MAGI2: variants seen among roughly 807,000 people sequenced by gnomAD.
MAGI2 encodes the protein membrane-associated guanylate kinase, WW and PDZ domain-containing protein 2.
A neutral mutation model predicts 133.3 loss-of-function variants in MAGI2; 35 were observed. That is an observed-to-expected ratio of 0.26 (90% CI 0.20 to 0.35). MAGI2 has a LOEUF of 0.35. MAGI2 is among the 10% of genes least tolerant of loss of function. MAGI2 has a pLI of 1.00. For missense variants in MAGI2, 1,636 were observed against 1,863.4 expected (o/e 0.88, Z 2.25); for synonymous variants, 729 against 710.6 (o/e 1.03, Z -0.41).
intron 1 of MAGI2, among the ~76,000 whole-genome samples, chr7:79,336,303 A>C (rs994622192): frequency 6.6e-6 from 1 of 152,084 alleles, no homozygotes; most frequent in Admixed American, 6.6e-5. Context: ...ACAGGATTTG[A>C]GGCTTATTCT....
intron 9 of MAGI2, among the ~76,000 whole-genome samples, chr7:78,290,907 T>A (rs552461659): frequency 6.6e-6 from 1 of 152,156 alleles, no homozygotes; most frequent in Non-Finnish European, 1.5e-5. Context: ...AGACACAACA[T>A]ACCAGAATCT....
At chr7:79,051,790 G>A (rs941180848) in intron 1 of MAGI2, among the ~76,000 whole-genome samples, 5 of 151,974 alleles carry the variant, frequency 3.3e-5, no homozygotes, top group African/African-American at 9.7e-5. Flanking sequence ...CAAATGTCAG[G>A]AACTTTTTAT....
intron 14 of MAGI2, among the ~76,000 whole-genome samples, chr7:78,171,670 G>A (rs1349226163): frequency 3.3e-5 from 5 of 152,132 alleles, no homozygotes; most frequent in Admixed American, 1.3e-4. Flanking sequence ...ACCTATTCCC[G>A]TTACCACTGG....
At chr7:78,230,632 ACCT>A (rs1789870911) in intron 10 of MAGI2, among the ~76,000 whole-genome samples, 1 of 152,060 alleles carries the variant, frequency 6.6e-6, no homozygotes, top group African/African-American at 2.4e-5. Flanking sequence ...ATCAAAAAAG[ACCT>A]CCTTATTTAT....
intron 6 of MAGI2, among the ~76,000 whole-genome samples, chr7:78,458,212 C>T (rs1393105490): frequency 2.7e-5 from 4 of 149,742 alleles, no homozygotes; most frequent in Non-Finnish European, 5.9e-5. Context: ...AGGAGAATCA[C>T]TTGAACTAGG....
Position 78,017,171 on chromosome 7 carries a change from T to A in MAGI2, c.*2144A>T, listed in dbSNP as rs1403062302. On this transcript the variant is annotated 3_prime_UTR_variant, in exon 22 of 22. Coordinates refer to ENST00000354212, the MANE Select transcript of MAGI2 (RefSeq NM_012301.4). ...AATTTATCCATAGTGGTACGTTTCA[T>A]AAAAATAGTTGCTCACTTACAGTCT... 1.3e-5 allele frequency: 2 copies of A among 152,750 alleles called. No homozygotes were observed. The highest frequency in any genetic ancestry group is 3.9e-4 in the East Asian group (2 of 5,188). The allele number at this position is 152,750 out of a possible 1,614,324, so 9.5% of individuals were successfully genotyped here.
intron 1 of MAGI2, among the ~76,000 whole-genome samples, chr7:79,267,668 C>T (rs1185670403): frequency 1.3e-5 from 2 of 152,070 alleles, no homozygotes; most frequent in Non-Finnish European, 1.5e-5. Context: ...TCCCTCCCCT[C>T]CTGAAGGTTC....
At chr7:78,785,065 C>T (rs561783239) in intron 2 of MAGI2, among the ~76,000 whole-genome samples, 128 of 152,240 alleles carry the variant, frequency 8.4e-4, no homozygotes, top group African/African-American at 2.6e-3. Flanking sequence ...TTACCCTGTC[C>T]TTATAACTAT....
At chr7:78,457,028 A>G (rs1044308273) in intron 6 of MAGI2, 1 of 152,232 alleles carries the variant, frequency 6.6e-6, no homozygotes, top group African/African-American at 2.4e-5. Flanking sequence ...AGATTTCTAC[A>G]GTTATTAAGA....
chr7:78,617,119 A>G (rs1807188211), intron 3 of MAGI2: 1 of 152,240 alleles, frequency 6.6e-6, no homozygotes, highest in East Asian at 1.9e-4. Flanking sequence ...TGATTTTTGG[A>G]TGAATATCAT....
chr7:79,316,253 T>C (rs748386893), intron 1 of MAGI2, among the ~76,000 whole-genome samples: 11 of 152,218 alleles, frequency 7.2e-5, no homozygotes, highest in East Asian at 3.9e-4. Flanking sequence ...CAAACTTTAA[T>C]TTCTACCACC....
At chr7:78,613,409 A>T (rs1806689894) in intron 3 of MAGI2, among the ~76,000 whole-genome samples, 1 of 152,186 alleles carries the variant, frequency 6.6e-6, no homozygotes, top group Non-Finnish European at 1.5e-5. Context: ...AAGAAAAAAC[A>T]TATTAATTTG....
At chr7:78,386,659 C>A (rs1795415147) in intron 6 of MAGI2, among the ~76,000 whole-genome samples, 1 of 152,186 alleles carries the variant, frequency 6.6e-6, no homozygotes, top group Non-Finnish European at 1.5e-5. Context: ...CCAAGTGGAG[C>A]TGTGATTTGT....
chr7:78,290,798 G>T (rs949165320), intron 9 of MAGI2, among the ~76,000 whole-genome samples: 1 of 152,142 alleles, frequency 6.6e-6, no homozygotes, highest in African/African-American at 2.4e-5. Flanking sequence ...CTCAAAAACC[G>T]CTCAGCTACA....
At chr7:78,417,043 T>A (rs541549630) in intron 6 of MAGI2, among the ~76,000 whole-genome samples, 1 of 152,262 alleles carries the variant, frequency 6.6e-6, no homozygotes, top group African/African-American at 2.4e-5. Flanking sequence ...ATCCTCACTT[T>A]TCTTGCAAAT....
intron 2 of MAGI2, among the ~76,000 whole-genome samples, chr7:78,800,628 T>G (rs1171983820): frequency 6.6e-6 from 1 of 152,186 alleles, no homozygotes; most frequent in Non-Finnish European, 1.5e-5. Flanking sequence ...TTTTTCTTAT[T>G]TTTAACATTA....
chr7:78,085,548 TCCCACACACACACA>T lies in MAGI2; in HGVS notation c.3568-6477_3568-6464del, dbSNP rs1470434841. Among the ~76,000 whole-genome samples, 361 of 69,200 alleles carry T rather than the reference TCCCACACACACACA, an allele frequency of 5.2e-3. 2 individuals carry two copies. Among genetic ancestry groups the T allele is most frequent in the African/African-American group, 0.019 (348 of 18,228 alleles). 45.4% of individuals were successfully genotyped at this position (69,200 alleles called of 152,430 possible). A position where few individuals can be genotyped will look rare whatever the true frequency, so the allele number is the denominator to read the frequency against. On this transcript the variant is annotated intron_variant, in intron 20 of 21. Transcript: ENST00000354212. ...CTAAAACAAAACAAAATAATAAAAC[TCCCACACACACACA>T]CACACACACACACACACACAAACAA...
At chr7:78,832,825 T>C (rs1791307050) in intron 2 of MAGI2, among the ~76,000 whole-genome samples, 1 of 152,162 alleles carries the variant, frequency 6.6e-6, no homozygotes, top group Non-Finnish European at 1.5e-5. Context: ...GCAGAGAGCC[T>C]ATGAATGGAC....
At chr7:79,347,974 T>C (rs938327741) in intron 1 of MAGI2, among the ~76,000 whole-genome samples, 10 of 151,904 alleles carry the variant, frequency 6.6e-5, no homozygotes, top group African/African-American at 2.4e-5. Context: ...TTAGAAATTA[T>C]CAGGGGAAAC....
Sources: gnomAD v4.1 joint callset for allele counts (sites outside exome capture counted in the v4.1 genomes callset) on GRCh38, gnomAD v4.1.1 for gene constraint, MANE v1.5 for transcripts, NCBI Gene and HGNC (gene_info 2026-07-23, HGNC 2026-07-21) for gene names.